The following MYO1C variants were observed in gnomAD, a reference collection of about 807,000 sequenced individuals.
The protein encoded by MYO1C is myosin IC, also known as unconventional myosin-Ic.
Under a neutral mutation model 150.8 loss-of-function variants are expected in MYO1C, and 104 were observed. That is an observed-to-expected ratio of 0.69 (90% confidence interval 0.59 to 0.81). The LOEUF (loss-of-function observed/expected upper bound fraction) is 0.81, where lower values mean the gene tolerates loss of function less well. Ranked by LOEUF, MYO1C falls within the 30% of genes least tolerant of loss-of-function variation. MYO1C has a pLI of 0.00. For synonymous variants in MYO1C, 663 were observed against 579.9 expected (o/e 1.14, Z -2.06); for missense variants, 1,504 against 1,435.0 (o/e 1.05, Z -0.78).
rs562676505 is a variant in MYO1C, at chr17:1,476,594, C to T, written c.1574+911G>A. 1.4e-4 allele frequency among the ~76,000 whole-genome samples: 21 copies of T among 152,324 alleles called. No individual in the cohort carries two copies. The East Asian group carries it at 3.7e-3, about 27-fold the overall frequency. On this transcript the variant is annotated intron_variant, in intron 14 of 31. Coordinates refer to ENST00000648651, the MANE Select transcript of MYO1C (RefSeq NM_001080779.2). ...AGAGCTAATTTTGGGGAAATGACTT[C>T]GCCTCTTGGAGTCTCAGTGAGAAAA...
At chr17:1,491,536 G>T in intron 1 of MYO1C, 1 of 770,362 alleles carries the variant, frequency 1.3e-6, no homozygotes, top group Non-Finnish European at 1.6e-6. Context: ...GCGGCTCCCG[G>T]CCCGGCCGCC....
chr17:1,478,113 C>T lies in MYO1C; in HGVS notation c.1375G>A (p.Glu459Lys), dbSNP rs1225721414. Reference protein sequence around the residue: ...FIELTLKSEQEEYEAEGIAWE... With the variant: ...FIELTLKSEQKEYEAEGIAWE... ...GCGATGCCCTCTGCCTCGTACTCCT[C>T]CTGCTCCGACTTGAGCGTGAGCTCG... The change falls in exon 12 of 32, where the codon GAG (glutamate) becomes AAG (lysine). Residue 459 changes from glutamate to lysine, a missense_variant. Physicochemically the swap from Glu to Lys is moderately conservative, Grantham distance 56. Transcript: ENST00000648651. This position sits in a 1 kb window ranked among gnomAD's most constrained non-coding sequence, Gnocchi z 6.3. 24 of 1,614,144 alleles carry T rather than the reference C, an allele frequency of 1.5e-5. No homozygotes were observed. Among genetic ancestry groups the T allele is most frequent in the Non-Finnish European group, 2.0e-5 (24 of 1,180,054 alleles).
chr17:1,477,858 C>T (rs2074431652), intron 13 of MYO1C, 33 bp downstream of exon 13: 1 of 1,591,456 alleles, frequency 6.3e-7, no homozygotes, highest in Non-Finnish European at 8.6e-7. Flanking sequence ...ACCCAGCCTC[C>T]AGCACCAGGC....
Position 1,465,649 on chromosome 17 carries a change from G to C in MYO1C, c.*77C>G. On this transcript the variant is annotated 3_prime_UTR_variant, in exon 32 of 32. Coordinates refer to ENST00000648651, the MANE Select transcript of MYO1C (RefSeq NM_001080779.2). The stretch of plus-strand genomic sequence containing the variant: ...TCCCTGGGTCCCTGTCTGGAAGTTC[G>C]AGTCTTTGGTAACTGGGAAGGGGAG... The C allele has an allele frequency of 7.7e-7, 1 of 1,292,862 alleles. No homozygotes were observed. Among genetic ancestry groups the C allele is most frequent in the Non-Finnish European group, 1.0e-6 (1 of 996,194 alleles). The allele number at this position is 1,292,862 out of a possible 1,614,324, so 80.1% of individuals were successfully genotyped here.
chr17:1,482,446 G>T (rs368958244), intron 5 of MYO1C, 32 bp downstream of exon 5: 129 of 1,589,848 alleles, frequency 8.1e-5, no homozygotes, highest in Non-Finnish European at 9.8e-5. Context: ...CCTACTGAAT[G>T]GGAATCCTCA....
chr17:1,475,074 G>A (rs988093300), intron 14 of MYO1C, 42 bp from the exon 15 acceptor site: 16 of 1,543,604 alleles, frequency 1.0e-5, no homozygotes, highest in Middle Eastern at 2.1e-4. Flanking sequence ...CTGCCGGCCT[G>A]AGCCAAGCCC....
chr17:1,477,602 G>C lies in MYO1C; in HGVS notation c.1483-6C>G, dbSNP rs193155058. The C allele has an allele frequency of 4.8e-3, 7,788 of 1,612,240 alleles. 508 individuals are homozygous for C. In the Admixed American group the frequency reaches 0.12, roughly 25 times the overall value. On this transcript the variant is annotated splice_polypyrimidine_tract_variant and splice_region_variant and intron_variant, in intron 13 of 31. Transcript: ENST00000648651. Reference sequence around the variant, plus strand: ...GGGCGCAGACACTCCTCATCCTGGGGGGTGTGGCACAGGGGGAAGGACGTA... The same window carrying C: ...GGGCGCAGACACTCCTCATCCTGGGCGGTGTGGCACAGGGGGAAGGACGTA...
intron 13 of MYO1C, 127 bp from the exon 14 acceptor site, chr17:1,477,723 G>A (rs2074428659): frequency 1.0e-6 from 1 of 985,330 alleles, no homozygotes; most frequent in Non-Finnish European, 1.6e-6. Context: ...TCCACAGAGA[G>A]CTTCCAACTG....
intron 5 of MYO1C, chr17:1,481,121 T>C (rs2150957218): frequency 1.8e-6 from 1 of 564,236 alleles, no homozygotes; most frequent in Non-Finnish European, 3.2e-6. Context: ...GCCTGACAGG[T>C]ATCGCAAATT....
chr17:1,469,864 G>A (rs375970740), intron 24 of MYO1C, among the ~76,000 whole-genome samples: 6 of 152,174 alleles, frequency 3.9e-5, no homozygotes, highest in Non-Finnish European at 5.9e-5. Flanking sequence ...GTGAAACCCC[G>A]TCTCTACTAA....
chr17:1,477,495 C>T lies in MYO1C; in HGVS notation c.1574+10G>A. The T allele has an allele frequency of 4.3e-6, 7 of 1,613,158 alleles. No homozygotes were observed. The highest frequency in any genetic ancestry group is 5.9e-6 in the Non-Finnish European group (7 of 1,179,536). On this transcript the variant is annotated intron_variant, in intron 14 of 31. Transcript: ENST00000648651. ...GCCCTTGCCCCCAGCAGCCCCGCAG[C>T]CCCACTCACGTCAGGAAGTGTGGAT...
In MYO1C at chr17:1,479,366, A is replaced by G; in HGVS notation, c.1092+65T>C. On this transcript the variant is annotated intron_variant, in intron 9 of 31. Coordinates refer to ENST00000648651, the MANE Select transcript of MYO1C (RefSeq NM_001080779.2). The surrounding 1 kb of genome is among the most constrained non-coding windows in gnomAD (Gnocchi z 4.2). The stretch of plus-strand genomic sequence containing the variant: ...TGAGGGAACCAGGCGAAGGGGAGTG[A>G]TGGGAGTAGGGGCTGCCTTGGAACA... 1 of 814,024 alleles carries G rather than the reference A, an allele frequency of 1.2e-6. No homozygotes were observed. The highest frequency in any genetic ancestry group is 2.1e-6 in the Non-Finnish European group (1 of 486,000). The allele number at this position is 814,024 out of a possible 1,614,324, so 50.4% of individuals were successfully genotyped here.
At chr17:1,469,373 G>C (rs2074249412) in intron 25 of MYO1C, 158 bp downstream of exon 25, 1 of 709,364 alleles carries the variant, frequency 1.4e-6, no homozygotes, top group South Asian at 1.6e-5. Flanking sequence ...GGTAAATAGA[G>C]TAGACCAGGG....
At chr17:1,471,393 CCAAT>C in intron 19 of MYO1C, 57 bp from the exon 20 acceptor site, 1 of 1,482,680 alleles carries the variant, frequency 6.7e-7, no homozygotes, top group South Asian at 1.2e-5. Flanking sequence ...CCTGGGGACC[CCAAT>C]CAGCTTTCTC....
Position 1,484,150 on chromosome 17 carries a change from A to G in MYO1C, c.229T>C (p.Tyr77His). ...LRRRFRENLI[Y>H]TYIGPVLVSV... ...CCATCTCCCCACAAGGGCCTCACGTAGATGAGATTCTCCCGAAATCGCCGC... is the reference window on the plus strand; with the variant it reads ...CCATCTCCCCACAAGGGCCTCACGTGGATGAGATTCTCCCGAAATCGCCGC... The change falls in exon 2 of 32, where the codon TAC becomes CAC. Residue 77 changes from tyrosine (Y) to histidine (H), a missense_variant and splice_region_variant. Coordinates refer to ENST00000648651, the MANE Select transcript of MYO1C (RefSeq NM_001080779.2). 6.2e-7 allele frequency: 1 copy of G among 1,612,952 alleles called. No individual in the cohort carries two copies. Among genetic ancestry groups the G allele is most frequent in the Non-Finnish European group, 8.5e-7 (1 of 1,180,020 alleles).
At chr17:1,475,114 GA>G (rs1199123095) in intron 14 of MYO1C, 82 bp from the exon 15 acceptor site, 4 of 1,422,854 alleles carry the variant, frequency 2.8e-6, no homozygotes, top group Non-Finnish European at 3.9e-6. Context: ...TCAGGAGCAG[GA>G]ACCAGCTGCC....
chr17:1,471,134 T>C lies in MYO1C; in HGVS notation c.2149A>G (p.Ile717Val), dbSNP rs763429347. 3.7e-6 allele frequency: 6 copies of C among 1,614,138 alleles called. No individual in the cohort carries two copies. In the Admixed American group the frequency reaches 6.7e-5, roughly 18 times the overall value. Residue 717 changes from isoleucine to valine, a missense_variant, in exon 21 of 32, where the codon ATC becomes GTC. By Grantham distance (29) the Ile-to-Val change is conservative. Coordinates refer to ENST00000648651, the MANE Select transcript of MYO1C (RefSeq NM_001080779.2). ...EYKMGRTKIF[I>V]RFPKTLFATE... Reference sequence around the variant, plus strand: ...GCAAACAGGGTCTTGGGGAAGCGGATGAAGATCTTGGTCCTGGGAGAGCAG... The same window carrying C: ...GCAAACAGGGTCTTGGGGAAGCGGACGAAGATCTTGGTCCTGGGAGAGCAG...
chr17:1,474,569 A>C lies in MYO1C; in HGVS notation c.1797+41T>G, dbSNP rs2074364064. 3.8e-6 allele frequency: 6 copies of C among 1,583,360 alleles called. No homozygotes were observed. The East Asian group carries it at 1.3e-4, about 35-fold the overall frequency. ...CTCACACAGGCCCTCATGCACACTCAGGCGCATGCACCCCTGCGCCCGGTC... is the reference window on the plus strand; with the variant it reads ...CTCACACAGGCCCTCATGCACACTCCGGCGCATGCACCCCTGCGCCCGGTC... On this transcript the variant is annotated intron_variant, in intron 17 of 31. Transcript: ENST00000648651.
rs1201033424 is a variant in MYO1C at position 1,478,879 on chromosome 17, A to C, written c.1093-144T>G. The stretch of plus-strand genomic sequence containing the variant: ...CTGCAGTATGGGGAGGGGTGCTGGT[A>C]GTGGGACCTCAGGGAGGACAGGTGG... On this transcript the variant is annotated intron_variant, in intron 9 of 31. Coordinates refer to ENST00000648651, the MANE Select transcript of MYO1C (RefSeq NM_001080779.2). The surrounding 1 kb of genome is among the most constrained non-coding windows in gnomAD (Gnocchi z 6.3). The C allele has an allele frequency of 1.5e-6, 2 of 1,357,854 alleles. No homozygotes were observed. The highest frequency in any genetic ancestry group is 1.4e-5 in the African/African-American group (1 of 69,778). The allele number at this position is 1,357,854 out of a possible 1,614,324, so 84.1% of individuals were successfully genotyped here. A position where few individuals can be genotyped will look rare whatever the true frequency, so the allele number is the denominator to read the frequency against.
Sources: allele counts gnomAD v4.1 joint callset (sites outside exome capture counted in the v4.1 genomes callset), GRCh38; gene constraint gnomAD v4.1.1; non-coding constraint Gnocchi (gnomAD v3.1); transcripts MANE v1.5; gene names NCBI Gene and HGNC (gene_info 2026-07-23, HGNC 2026-07-21).